The following DLGAP1 variants were observed in gnomAD, a reference collection of about 807,000 sequenced individuals.
DLGAP1 encodes the protein DLG associated protein 1.
DLGAP1 carries 11 observed loss-of-function variants against 90.8 expected under a neutral mutation model. The ratio of observed to expected loss-of-function variants is 0.12; its 90% confidence interval spans 0.08 to 0.20. DLGAP1 has a LOEUF of 0.20. Among genes scored for constraint, DLGAP1 ranks in the 10% least tolerant of loss-of-function variants. The pLI is 1.00. For synonymous variants in DLGAP1, 558 were observed against 540.7 expected (o/e 1.03, Z -0.44); for missense variants, 1,050 against 1,333.8 (o/e 0.79, Z 3.31).
intron 7 of DLGAP1, among the ~76,000 whole-genome samples, chr18:3,586,252 C>G (rs1599379493): frequency 6.6e-6 from 1 of 152,110 alleles, no homozygotes; most frequent in East Asian, 1.9e-4. Flanking sequence ...CAGGAACCAT[C>G]TCCCATGTTG....
chr18:3,875,801 A>G (rs1327487489), intron 4 of DLGAP1, among the ~76,000 whole-genome samples: 1 of 152,174 alleles, frequency 6.6e-6, no homozygotes, highest in Admixed American at 6.5e-5. Context: ...GCATACTGAG[A>G]TCATACATCT....
chr18:3,805,082 A>T (rs2066500854), intron 5 of DLGAP1, among the ~76,000 whole-genome samples: 1 of 152,234 alleles, frequency 6.6e-6, no homozygotes, highest in Admixed American at 6.5e-5. Flanking sequence ...AATGCTTAGC[A>T]CATAGTAGGT....
At chr18:3,691,013 T>C (rs867306401) in intron 7 of DLGAP1, among the ~76,000 whole-genome samples, 1 of 152,164 alleles carries the variant, frequency 6.6e-6, no homozygotes, top group South Asian at 2.1e-4. Flanking sequence ...GTGGAAGGTG[T>C]ATATAAGGGT....
intron 9 of DLGAP1, among the ~76,000 whole-genome samples, chr18:3,549,625 C>T (rs1599176029): frequency 6.6e-6 from 1 of 152,216 alleles, no homozygotes; most frequent in African/African-American, 2.4e-5. Context: ...GCCACCACCC[C>T]TGGCCTCTTT....
intron 2 of DLGAP1, among the ~76,000 whole-genome samples, chr18:4,105,179 G>A (rs1203568822): frequency 2.0e-5 from 3 of 152,180 alleles, no homozygotes; most frequent in African/African-American, 7.2e-5. Flanking sequence ...GATGTGTACC[G>A]AGTGTTCTCA....
At chr18:4,334,395 T>A (rs886213705) in intron 1 of DLGAP1, among the ~76,000 whole-genome samples, 2 of 151,904 alleles carry the variant, frequency 1.3e-5, no homozygotes, top group Non-Finnish European at 2.9e-5. Flanking sequence ...TAACTCAACT[T>A]CTTGATTGGG....
intron 1 of DLGAP1, among the ~76,000 whole-genome samples, chr18:4,216,688 G>A (rs2077965087): frequency 6.6e-6 from 1 of 152,086 alleles, no homozygotes; most frequent in African/African-American, 2.4e-5. Flanking sequence ...TCATAGTTAG[G>A]ATTAAAGAGA....
At chr18:4,330,100 T>C (rs1465895528) in intron 1 of DLGAP1, among the ~76,000 whole-genome samples, 4 of 152,020 alleles carry the variant, frequency 2.6e-5, no homozygotes, top group Non-Finnish European at 5.9e-5. Flanking sequence ...CTTTGATAGT[T>C]TGTGTTTTTC....
At chr18:4,358,036 G>A (rs1329280265) in intron 1 of DLGAP1, among the ~76,000 whole-genome samples, 1 of 152,182 alleles carries the variant, frequency 6.6e-6, no homozygotes, top group Non-Finnish European at 1.5e-5. Flanking sequence ...AGGATCAGAT[G>A]GAGTAACAGA....
intron 2 of DLGAP1, among the ~76,000 whole-genome samples, chr18:4,147,774 T>A (rs1393554462): frequency 6.6e-6 from 1 of 152,232 alleles, no homozygotes; most frequent in Non-Finnish European, 1.5e-5. Context: ...GTTATTAAAC[T>A]AACACACCTA....
In DLGAP1 at chr18:3,636,481, G is replaced by A. The variant is rs541381066; in HGVS notation, c.1592-54233C>T. Among the ~76,000 whole-genome samples, 11 of 151,548 alleles carry A rather than the reference G, an allele frequency of 7.3e-5. 1 individual carries two copies. Among genetic ancestry groups the A allele is most frequent in the East Asian group, 6.0e-4 (3 of 4,998 alleles). On this transcript the variant is annotated intron_variant, in intron 7 of 12. Transcript: ENST00000315677. ...GGCTGGAGTGCAGTGGCACTATCTC[G>A]ACTCACTGTAACCTCCACCTCCCGG...
intron 2 of DLGAP1, among the ~76,000 whole-genome samples, chr18:4,110,493 A>G (rs999068241): frequency 6.6e-6 from 1 of 152,200 alleles, no homozygotes; most frequent in Non-Finnish European, 1.5e-5. Flanking sequence ...TAATTAGGAA[A>G]ACAAATCATC....
intron 7 of DLGAP1, among the ~76,000 whole-genome samples, chr18:3,723,565 G>T (rs9944686): frequency 0.11 from 16,855 of 147,618 alleles, 3,088 homozygotes; most frequent in African/African-American, 0.42. Flanking sequence ...GGTTTGTGTG[G>T]GGGGGGAGTG....
At chr18:4,116,876 G>A (rs2076071755) in intron 2 of DLGAP1, among the ~76,000 whole-genome samples, 1 of 152,132 alleles carries the variant, frequency 6.6e-6, no homozygotes, top group African/African-American at 2.4e-5. Context: ...TCTATTCCCT[G>A]CCTTTCTTCT....
At chr18:3,563,934 T>C (rs1252165216) in intron 9 of DLGAP1, among the ~76,000 whole-genome samples, 3 of 152,204 alleles carry the variant, frequency 2.0e-5, no homozygotes, top group Non-Finnish European at 2.9e-5. Context: ...TCTTTTTAAA[T>C]CTCTCTTAGA....
intron 2 of DLGAP1, among the ~76,000 whole-genome samples, chr18:4,128,448 G>A (rs961265658): frequency 3.9e-5 from 6 of 152,132 alleles, no homozygotes; most frequent in African/African-American, 1.4e-4. Context: ...ATGACTGCAT[G>A]TATCTCCTGC....
intron 7 of DLGAP1, among the ~76,000 whole-genome samples, chr18:3,671,592 TTAAGAC>T (rs1429167617): frequency 3.3e-5 from 5 of 152,244 alleles, no homozygotes; most frequent in Non-Finnish European, 7.3e-5. Flanking sequence ...GGTTGATTAT[TTAAGAC>T]TAAGATGGAG....
At chr18:4,237,475 G>T (rs2078442837) in intron 1 of DLGAP1, among the ~76,000 whole-genome samples, 1 of 152,020 alleles carries the variant, frequency 6.6e-6, no homozygotes, top group Non-Finnish European at 1.5e-5. Flanking sequence ...CTTGATTCTG[G>T]GGAAGGACGG....
In DLGAP1 at chr18:4,229,395, C is replaced by G. The variant is rs779138572; in HGVS notation, c.-266-78108G>C. On this transcript the variant is annotated intron_variant, in intron 1 of 12. Coordinates refer to ENST00000315677, the MANE Select transcript of DLGAP1 (RefSeq NM_004746.4). The stretch of plus-strand genomic sequence containing the variant: ...GCTATCCTGAGCAAAAGGAACAAAA[C>G]TGGAAGACTAGCATTATCTGACTTC... Among the ~76,000 whole-genome samples the G allele has an allele frequency of 1.7e-4, 26 of 152,110 alleles. No individual in the cohort carries two copies. The Middle Eastern group carries it at 0.01, about 60-fold the overall frequency.
Sources: gnomAD v4.1 joint callset for allele counts (sites outside exome capture counted in the v4.1 genomes callset) on GRCh38, gnomAD v4.1.1 for gene constraint, MANE v1.5 for transcripts, NCBI Gene and HGNC (gene_info 2026-07-23, HGNC 2026-07-21) for gene names.